Variants in STK38 observed in about 807,000 individuals in gnomAD.
STK38 encodes serine/threonine kinase 38, also known as serine/threonine-protein kinase 38.
A neutral mutation model predicts 59.0 loss-of-function variants in STK38; 26 were observed. The ratio of observed to expected loss-of-function variants is 0.44; its 90% CI spans 0.32 to 0.61. STK38 has a LOEUF of 0.61. STK38 is among the 20% of genes least tolerant of loss of function. STK38 has a pLI of 0.04. For synonymous variants in STK38, 175 were observed against 176.6 expected, an observed-to-expected ratio of 0.99 and a Z score of 0.07; for missense variants, 433 against 566.0, an observed-to-expected ratio of 0.76 and a Z score of 2.38.
chr6:36,527,625 T>C (rs1777563829), intron 2 of STK38, among the ~76,000 whole-genome samples: 7 of 151,984 alleles, frequency 4.6e-5, no homozygotes, highest in Admixed American at 4.6e-4. Context: ...AGTAATGTTT[T>C]TGATCTATAG....
At chr6:36,497,759 A>G in intron 12 of STK38, 21 bp downstream of exon 12, 2 of 1,563,644 alleles carry the variant, frequency 1.3e-6, no homozygotes, top group South Asian at 2.3e-5. Context: ...AATAATTCTG[A>G]AAGTGTTTAT....
intron 9 of STK38, among the ~76,000 whole-genome samples, chr6:36,506,364 G>A (rs2300064): frequency 0.28 from 42,175 of 151,950 alleles, 6,772 homozygotes; most frequent in African/African-American, 0.44. Flanking sequence ...GAATGAGGTC[G>A]CCCACGGAAA....
At chr6:36,518,863 A>G (rs933272384) in intron 5 of STK38, among the ~76,000 whole-genome samples, 6 of 152,246 alleles carry the variant, frequency 3.9e-5, no homozygotes. Context: ...CATGTTCTGA[A>G]GTAAAACATG....
rs1776901782 is a variant in STK38 at position 36,504,000 on chromosome 6, T to TG, written c.834+2582dup. 2.0e-5 allele frequency among the ~76,000 whole-genome samples: 3 copies of TG among 152,366 alleles called. No individual in the cohort carries two copies. In the South Asian group the frequency reaches 6.2e-4, roughly 32 times the overall value. ...ACTCCAGTTTCTCCTTTTTTCTGTC[T>TG]GGGTATTTCAAGTGTCAATGAAAAT... On this transcript the variant is annotated intron_variant, in intron 9 of 13. Coordinates refer to ENST00000229812, the MANE Select transcript of STK38 (RefSeq NM_007271.4).
intron 3 of STK38, 136 bp downstream of exon 3, chr6:36,525,455 C>G: frequency 1.5e-6 from 1 of 668,644 alleles, no homozygotes; most frequent in Non-Finnish European, 2.6e-6. Flanking sequence ...CACCCAAATC[C>G]GGAAGCACAC....
rs1561971847 is a variant in STK38, at chr6:36,499,900, C to T, written c.925G>A (p.Gly309Arg). ...ATGAGCATCTCATACATGATCACCC[C>T]AAGCGACCACCAATCACAGAGCTTG... ...YNKLCDWWSL[G>R]VIMYEMLIGY... The change falls in exon 10 of 14, where the codon GGG (glycine) becomes AGG (arginine). Residue 309 changes from glycine (G) to arginine (R), a missense_variant. Physicochemically the swap from Gly to Arg is moderately radical, Grantham distance 125. Around this residue, in one of 3 missense-constraint regions of STK38, gnomAD observed 293 missense variants for 388.2 expected, o/e 0.75. Coordinates refer to ENST00000229812, the MANE Select transcript of STK38 (RefSeq NM_007271.4). 1 of 1,614,040 alleles carries T rather than the reference C, an allele frequency of 6.2e-7. No homozygotes were observed. The highest frequency in any genetic ancestry group is 8.5e-7 in the Non-Finnish European group (1 of 1,179,976).
chr6:36,503,320 A>G (rs1048135513), intron 9 of STK38, among the ~76,000 whole-genome samples: 9 of 152,172 alleles, frequency 5.9e-5, no homozygotes, highest in African/African-American at 2.2e-4. Flanking sequence ...CTGAGGTCAT[A>G]AAGATATTGC....
At chr6:36,513,755 G>C (rs1777172375) in intron 7 of STK38, among the ~76,000 whole-genome samples, 1 of 150,480 alleles carries the variant, frequency 6.6e-6, no homozygotes, top group Non-Finnish European at 1.5e-5. Context: ...TGTAATCCCA[G>C]GACTTTGAGA....
chr6:36,496,043 ATTT>A (rs34301019), intron 13 of STK38, 129 bp from the exon 14 acceptor site: 7,014 of 609,142 alleles, frequency 0.012, no homozygotes, highest in East Asian at 0.021. Flanking sequence ...CACTCTATGA[ATTT>A]TTTTTTTTTT....
intron 7 of STK38, among the ~76,000 whole-genome samples, chr6:36,511,743 C>T (rs1056139831): frequency 2.0e-5 from 3 of 151,734 alleles, no homozygotes; most frequent in African/African-American, 7.3e-5. Context: ...CTTACCTGGA[C>T]AACTCTAAGA....
intron 2 of STK38, 69 bp from the exon 3 acceptor site, chr6:36,525,711 T>C: frequency 7.7e-7 from 1 of 1,293,564 alleles, no homozygotes; most frequent in South Asian, 1.2e-5. Flanking sequence ...TTCTGTAACT[T>C]AATACTGTAG....
chr6:36,504,560 G>C (rs1373623812), intron 9 of STK38, among the ~76,000 whole-genome samples: 1 of 152,132 alleles, frequency 6.6e-6, no homozygotes, highest in Non-Finnish European at 1.5e-5. Flanking sequence ...GTTATGAAAA[G>C]AGATAATATG....
rs765978485 is a variant in STK38 at position 36,499,949 on chromosome 6, C to T, written c.876G>A (p.Glu292=). The stretch of plus-strand genomic sequence containing the variant: ...TGTTGTACCCGGTCTGCATGAACAC[C>T]TCAGGAGCAATGTAGTCAGGAGTGC... ...TVGTPDYIAP[E]VFMQTGYNKL... Residue 292 remains glutamate (E), a synonymous_variant, in exon 10 of 14, where the codon GAG becomes GAA. Coordinates refer to ENST00000229812, the MANE Select transcript of STK38 (RefSeq NM_007271.4). 40 of 1,613,954 alleles carry T rather than the reference C, an allele frequency of 2.5e-5. No homozygotes were observed. Among genetic ancestry groups the T allele is most frequent in the Non-Finnish European group, 3.3e-5 (39 of 1,179,998 alleles).
chr6:36,537,142 C>T (rs1468661347), intron 2 of STK38, among the ~76,000 whole-genome samples: 1 of 151,986 alleles, frequency 6.6e-6, no homozygotes, highest in Non-Finnish European at 1.5e-5. Flanking sequence ...AAGGAAGATG[C>T]ACAAATGGCC....
At chr6:36,538,253 G>A (rs1777845775) in intron 2 of STK38, among the ~76,000 whole-genome samples, 1 of 149,434 alleles carries the variant, frequency 6.7e-6, no homozygotes, top group Non-Finnish European at 1.5e-5. Flanking sequence ...ACAGTGAGCC[G>A]AGATCACGCC....
In STK38 at chr6:36,530,039, G is replaced by T. The variant is rs964124479; in HGVS notation, c.132-4397C>A. ...GCACACCGCCTGAGGCCAGGAGTTGGACACCAGCCTGGCCAACATGGTGAA... is the reference window on the plus strand; with the variant it reads ...GCACACCGCCTGAGGCCAGGAGTTGTACACCAGCCTGGCCAACATGGTGAA... On this transcript the variant is annotated intron_variant, in intron 2 of 13. Transcript: ENST00000229812. Among the ~76,000 whole-genome samples the T allele has an allele frequency of 3.3e-3, 507 of 152,226 alleles. 11 individuals are homozygous for T. Among genetic ancestry groups the T allele is most frequent in the Non-Finnish European group, 5.9e-4 (40 of 68,012 alleles).
intron 2 of STK38, among the ~76,000 whole-genome samples, chr6:36,532,758 G>A (rs531851956): frequency 6.6e-6 from 1 of 152,166 alleles, no homozygotes; most frequent in South Asian, 2.1e-4. Flanking sequence ...AATTAGCCAG[G>A]CATGGTAGTC....
chr6:36,513,888 G>A (rs752674707), intron 7 of STK38, among the ~76,000 whole-genome samples: 109 of 148,524 alleles, frequency 7.3e-4, no homozygotes, highest in Non-Finnish European at 1.3e-3. Context: ...AGGCTTGGTG[G>A]CTCACGCCTG....
At chr6:36,526,931 C>A (rs944099202) in intron 2 of STK38, among the ~76,000 whole-genome samples, 21 of 150,884 alleles carry the variant, frequency 1.4e-4, no homozygotes, top group African/African-American at 4.4e-4. Flanking sequence ...TGGTGGCTCA[C>A]GCCTGTAATC....
Sources: allele counts gnomAD v4.1 joint callset (sites outside exome capture counted in the v4.1 genomes callset), GRCh38; gene constraint gnomAD v4.1.1; regional missense constraint gnomAD v4.1.1; transcripts MANE v1.5; gene names NCBI Gene and HGNC (gene_info 2026-07-23, HGNC 2026-07-21).